Variants in DOCK1 observed in about 807,000 individuals in gnomAD.
The protein encoded by DOCK1 is dedicator of cytokinesis protein 1.
Under a neutral mutation model 262.7 loss-of-function variants are expected in DOCK1, and 138 were observed. The ratio of observed to expected loss-of-function variants is 0.53; its 90% confidence interval spans 0.46 to 0.61. The LOEUF (loss-of-function observed/expected upper bound fraction) is 0.61, where lower values mean the gene tolerates loss of function less well. Ranked by LOEUF, DOCK1 falls within the 20% of genes least tolerant of loss-of-function variation. The probability of loss-of-function intolerance (pLI) is 0.00; values close to 1 mark genes in which losing one functional copy is unlikely to be tolerated. For synonymous variants in DOCK1, 866 were observed against 867.4 expected (o/e 1.00, Z 0.03); for missense variants, 1,908 against 2,370.7 (o/e 0.80, Z 4.05).
At chr10:127,338,464 C>T (rs1172152961) in intron 29 of DOCK1, among the ~76,000 whole-genome samples, 4 of 152,132 alleles carry the variant, frequency 2.6e-5, no homozygotes, top group Non-Finnish European at 4.4e-5. Context: ...TCTACTAAAG[C>T]TTTTAACTTC....
intron 7 of DOCK1, 58 bp downstream of exon 7, chr10:126,996,941 T>A (rs901561830): frequency 2.0e-6 from 3 of 1,492,268 alleles, no homozygotes; most frequent in Non-Finnish European, 2.7e-6. Context: ...TTTTCAACAT[T>A]AGTAAAGTAT....
intron 29 of DOCK1, among the ~76,000 whole-genome samples, chr10:127,320,839 C>G (rs1247439396): frequency 6.6e-6 from 1 of 152,066 alleles, no homozygotes; most frequent in Admixed American, 6.5e-5. Context: ...TCCTCTGGAG[C>G]CTTCCTTGTC....
At chr10:127,168,151 G>T (rs2054248890) in intron 27 of DOCK1, among the ~76,000 whole-genome samples, 1 of 152,182 alleles carries the variant, frequency 6.6e-6, no homozygotes, top group Non-Finnish European at 1.5e-5. Flanking sequence ...GACCTGCAGA[G>T]TGGAGAGCCT....
chr10:126,938,754 CCGGAGGGGA>C, intron 1 of DOCK1, among the ~76,000 whole-genome samples: 1 of 144,898 alleles, frequency 6.9e-6, no homozygotes, highest in South Asian at 2.1e-4. Flanking sequence ...GGGATGAACA[CCGGAGGGGA>C]TGAAGACAGG....
chr10:127,439,541 T>A (rs1175743237), intron 49 of DOCK1, among the ~76,000 whole-genome samples: 1 of 152,214 alleles, frequency 6.6e-6, no homozygotes, highest in Non-Finnish European at 1.5e-5. Flanking sequence ...TCCCAGAAGA[T>A]GAGCAGGAGT....
intron 29 of DOCK1, among the ~76,000 whole-genome samples, chr10:127,288,800 CACACACAT>C (rs1345158628): frequency 1.3e-4 from 19 of 150,404 alleles, no homozygotes; most frequent in East Asian, 1.0e-3. Context: ...CACACACACA[CACACACAT>C]AAAATAGTTT....
At chr10:127,034,067 G>A (rs1027137312) in intron 18 of DOCK1, among the ~76,000 whole-genome samples, 5 of 152,284 alleles carry the variant, frequency 3.3e-5, no homozygotes, top group African/African-American at 7.2e-5. Context: ...CTATGCAGCC[G>A]TGCAGTGGGG....
chr10:127,407,192 A>G (rs912278605), intron 40 of DOCK1, among the ~76,000 whole-genome samples: 2 of 152,182 alleles, frequency 1.3e-5, no homozygotes, highest in African/African-American at 4.8e-5. Context: ...GGACTGTCTT[A>G]GTCCACTGGG....
chr10:127,245,460 T>G (rs2059400998), intron 27 of DOCK1, among the ~76,000 whole-genome samples: 1 of 152,214 alleles, frequency 6.6e-6, no homozygotes, highest in Non-Finnish European at 1.5e-5. Flanking sequence ...CCATCGCAGT[T>G]AAACAAGGGG....
intron 27 of DOCK1, among the ~76,000 whole-genome samples, chr10:127,206,755 A>G (rs1268344883): frequency 6.6e-6 from 1 of 152,224 alleles, no homozygotes; most frequent in Non-Finnish European, 1.5e-5. Context: ...TGACAACATT[A>G]TGAACTATGA....
At chr10:127,122,410 G>A (rs2049652726) in intron 25 of DOCK1, among the ~76,000 whole-genome samples, 1 of 152,260 alleles carries the variant, frequency 6.6e-6, no homozygotes, top group African/African-American at 2.4e-5. Flanking sequence ...TTGGGGTCGG[G>A]GTGGAGTTTC....
At chr10:127,309,031 G>A (rs2061971619) in intron 29 of DOCK1, among the ~76,000 whole-genome samples, 1 of 152,130 alleles carries the variant, frequency 6.6e-6, no homozygotes, top group Non-Finnish European at 1.5e-5. Flanking sequence ...CATGATGGTT[G>A]AACAAATTTA....
At chr10:127,010,981 A>C (rs1357215191) in intron 11 of DOCK1, among the ~76,000 whole-genome samples, 1 of 152,220 alleles carries the variant, frequency 6.6e-6, no homozygotes, top group Non-Finnish European at 1.5e-5. Flanking sequence ...GATTGTTTGA[A>C]AGGTTAGGGA....
At chr10:127,156,553 CTTCTTCTT>C (rs1735567267) in intron 27 of DOCK1, among the ~76,000 whole-genome samples, 1 of 93,996 alleles carries the variant, frequency 1.1e-5, no homozygotes, top group South Asian at 4.2e-4. Context: ...TCTTCTTCTT[CTTCTTCTT>C]CTTTTTTTTT....
chr10:127,122,909 A>G (rs771612026), intron 25 of DOCK1, among the ~76,000 whole-genome samples: 13 of 152,272 alleles, frequency 8.5e-5, no homozygotes, highest in Admixed American at 2.6e-4. Flanking sequence ...AGCACACTCA[A>G]TTAGCTCTGA....
chr10:127,410,598 T>TA (rs1321426677), intron 42 of DOCK1, among the ~76,000 whole-genome samples: 1 of 152,238 alleles, frequency 6.6e-6, no homozygotes, highest in Non-Finnish European at 1.5e-5. Context: ...ATTTCACTCT[T>TA]ACTCAGCTTC....
intron 23 of DOCK1, among the ~76,000 whole-genome samples, chr10:127,088,382 A>G (rs1049229073): frequency 2.0e-5 from 3 of 152,154 alleles, no homozygotes; most frequent in African/African-American, 7.2e-5. Context: ...CTTGTGTTAG[A>G]TATACCCTTA....
chr10:127,186,410 C>G (rs1267704629), intron 27 of DOCK1, among the ~76,000 whole-genome samples: 1 of 151,462 alleles, frequency 6.6e-6, no homozygotes, highest in Admixed American at 6.6e-5. Flanking sequence ...GCCTGTAATC[C>G]CAGCTACTTG....
intron 27 of DOCK1, among the ~76,000 whole-genome samples, chr10:127,184,261 T>C (rs1167523): frequency 6.6e-6 from 1 of 151,816 alleles, no homozygotes; most frequent in African/African-American, 2.4e-5. Flanking sequence ...TCTGTCAGTA[T>C]TTTTATGCTG....
Sources: gnomAD v4.1 joint callset for allele counts (sites outside exome capture counted in the v4.1 genomes callset) on GRCh38, gnomAD v4.1.1 for gene constraint, MANE v1.5 for transcripts, NCBI Gene and HGNC (gene_info 2026-07-23, HGNC 2026-07-21) for gene names.